The following PRIM2 variants were observed in gnomAD, a reference collection of about 807,000 sequenced individuals.
The protein encoded by PRIM2 is DNA primase large subunit.
Under a neutral mutation model 67.3 loss-of-function variants are expected in PRIM2, and 39 were observed. The observed-to-expected ratio is 0.58, with a 90% CI of 0.45 to 0.76. The LOEUF (loss-of-function observed/expected upper bound fraction) is 0.76, where lower values mean the gene tolerates loss of function less well. Among genes scored for constraint, PRIM2 ranks in the 30% least tolerant of loss-of-function variants. The pLI, the probability that PRIM2 is intolerant of heterozygous loss-of-function variation, is 0.00. For missense variants in PRIM2, 398 were observed against 598.7 expected, an observed-to-expected ratio of 0.66 and a Z score of 3.50; for synonymous variants, 143 against 198.7, an observed-to-expected ratio of 0.72 and a Z score of 2.36.
At chr6:57,535,779 C>T (rs1774989793) in intron 9 of PRIM2, among the ~76,000 whole-genome samples, 1 of 151,868 alleles carries the variant, frequency 6.6e-6, no homozygotes, top group East Asian at 1.9e-4. Context: ...GCAGGAGAAT[C>T]GCATGAACCT....
intron 10 of PRIM2, among the ~76,000 whole-genome samples, chr6:57,589,621 A>T (rs1354529283): frequency 2.0e-5 from 3 of 152,208 alleles, no homozygotes; most frequent in Non-Finnish European, 4.4e-5. Flanking sequence ...AAATAAGCAG[A>T]CCGCTGTGCA....
intron 10 of PRIM2, among the ~76,000 whole-genome samples, chr6:57,553,711 G>A (rs1174416120): frequency 3.9e-5 from 6 of 152,116 alleles, no homozygotes; most frequent in African/African-American, 1.4e-4. Flanking sequence ...CTATTCTTTA[G>A]TTATATTGCG....
intron 5 of PRIM2, among the ~76,000 whole-genome samples, chr6:57,361,902 A>G (rs1340628403): frequency 7.3e-5 from 11 of 150,364 alleles, no homozygotes; most frequent in East Asian, 4.0e-4. Context: ...TTATAGGGGG[A>G]AAAAAAAGTG....
intron 7 of PRIM2, among the ~76,000 whole-genome samples, chr6:57,434,345 A>G (rs1347577434): frequency 6.6e-6 from 1 of 152,118 alleles, no homozygotes; most frequent in Non-Finnish European, 1.5e-5. Context: ...TGTTATCAGT[A>G]TGGTTTGCTT....
At chr6:57,583,322 TC>T (rs1235496930) in intron 10 of PRIM2, among the ~76,000 whole-genome samples, 22 of 64,930 alleles carry the variant, frequency 3.4e-4, no homozygotes, top group Admixed American at 4.3e-4. Flanking sequence ...ATGCTATCCC[TC>T]CCCCCTCCCC....
At chr6:57,593,008 G>A (rs1300779657) in intron 10 of PRIM2, among the ~76,000 whole-genome samples, 1 of 152,124 alleles carries the variant, frequency 6.6e-6, no homozygotes, top group Non-Finnish European at 1.5e-5. Context: ...TGTGAAAGAG[G>A]CTCTGAGAAC....
At chr6:57,470,404 TCCCCTCTCC>T (rs1773308538) in intron 7 of PRIM2, among the ~76,000 whole-genome samples, 1 of 72,114 alleles carries the variant, frequency 1.4e-5, no homozygotes, top group Non-Finnish European at 2.7e-5. Context: ...TCTCCCCCTC[TCCCCTCTCC>T]CCCTCTCCCC....
intron 11 of PRIM2, among the ~76,000 whole-genome samples, chr6:57,601,542 G>A (rs1428257294): frequency 6.6e-6 from 1 of 152,206 alleles, no homozygotes; most frequent in Non-Finnish European, 1.5e-5. Context: ...GGCGATGTAA[G>A]TTTTACAAAG....
At chr6:57,343,834 T>G (rs1768581621) in intron 5 of PRIM2, among the ~76,000 whole-genome samples, 3 of 152,224 alleles carry the variant, frequency 2.0e-5, no homozygotes, top group African/African-American at 7.2e-5. Flanking sequence ...TAGGTTTTTG[T>G]AGTAGGGGAG....
At chr6:57,642,851 A>G (rs1423463738) in intron 13 of PRIM2, among the ~76,000 whole-genome samples, 4 of 152,232 alleles carry the variant, frequency 2.6e-5, no homozygotes, top group Admixed American at 2.6e-4. Flanking sequence ...TTTCTTTTAT[A>G]AACTATACCC....
At chr6:57,475,738 A>C (rs1176131303) in intron 7 of PRIM2, among the ~76,000 whole-genome samples, 1 of 152,206 alleles carries the variant, frequency 6.6e-6, no homozygotes, top group Non-Finnish European at 1.5e-5. Context: ...CTATGGGTAA[A>C]ATGGAACTAT....
At chr6:57,353,626 T>G (rs1294386359) in intron 5 of PRIM2, among the ~76,000 whole-genome samples, 1 of 152,180 alleles carries the variant, frequency 6.6e-6, no homozygotes, top group Non-Finnish European at 1.5e-5. Flanking sequence ...AAGAGATGAT[T>G]TATTTGAACT....
chr6:57,614,224 A>G, intron 12 of PRIM2, among the ~76,000 whole-genome samples: 1 of 152,306 alleles, frequency 6.6e-6, no homozygotes, highest in Middle Eastern at 3.4e-3. Context: ...TGCGCTCCTT[A>G]TGAGAATCGA....
At chr6:57,614,678 G>A (rs1347274111) in intron 12 of PRIM2, among the ~76,000 whole-genome samples, 11 of 152,248 alleles carry the variant, frequency 7.2e-5, no homozygotes, top group East Asian at 5.8e-4. Flanking sequence ...ATGAAACCGC[G>A]TCTCTACTAA....
intron 12 of PRIM2, 117 bp downstream of exon 12, chr6:57,606,574 A>G: frequency 1.6e-6 from 1 of 625,040 alleles, no homozygotes; most frequent in Non-Finnish European, 2.8e-6. Flanking sequence ...CACACCAGAC[A>G]TCTTATCTTC....
chr6:57,555,566 C>A (rs1775498458), intron 10 of PRIM2, among the ~76,000 whole-genome samples: 1 of 152,218 alleles, frequency 6.6e-6, no homozygotes, highest in African/African-American at 2.4e-5. Context: ...AGGCGTGAGC[C>A]ACCGTGCCTG....
chr6:57,323,800 A>G (rs1228353827), intron 3 of PRIM2, among the ~76,000 whole-genome samples: 3 of 152,082 alleles, frequency 2.0e-5, no homozygotes, highest in East Asian at 3.9e-4. Context: ...AAAAAAAGAA[A>G]TGTTTTGGGA....
chr6:57,443,229 TC>T (rs1772258904), intron 7 of PRIM2, among the ~76,000 whole-genome samples: 1 of 152,234 alleles, frequency 6.6e-6, no homozygotes, highest in Non-Finnish European at 1.5e-5. Flanking sequence ...AGATACCTCC[TC>T]AGCCTACTGA....
At chr6:57,418,158 G>A (rs1409904607) in intron 7 of PRIM2, among the ~76,000 whole-genome samples, 5 of 151,998 alleles carry the variant, frequency 3.3e-5, no homozygotes, top group South Asian at 2.1e-4. Flanking sequence ...CTTAAAAATG[G>A]CCATGTAAAA....
Sources: gnomAD v4.1 joint callset for allele counts (sites outside exome capture counted in the v4.1 genomes callset) on GRCh38, gnomAD v4.1.1 for gene constraint, MANE v1.5 for transcripts, NCBI Gene and HGNC (gene_info 2026-07-23, HGNC 2026-07-21) for gene names.